The following BPTF variants were observed in gnomAD, a reference collection of about 807,000 sequenced individuals.
BPTF encodes the protein bromodomain PHD finger transcription factor.
In BPTF, 18 loss-of-function variants were observed where a neutral mutation model predicts 292.5. That is an observed-to-expected ratio of 0.06 (90% CI 0.04 to 0.09). The LOEUF is 0.09. BPTF is among the 10% of genes least tolerant of loss of function. The pLI is 1.00. For missense variants in BPTF, 2,726 were observed against 3,498.7 expected (o/e 0.78, Z 5.57); for synonymous variants, 1,225 against 1,251.9 (o/e 0.98, Z 0.45).
Position 67,910,912 on chromosome 17 carries a change from C to A in BPTF, c.3028C>A (p.Pro1010Thr), listed in dbSNP as rs370122731. 1.8e-5 allele frequency: 29 copies of A among 1,611,058 alleles called. No individual in the cohort carries two copies. Among genetic ancestry groups the A allele is most frequent in the African/African-American group, 8.0e-5 (6 of 74,750 alleles). Residue 1010 changes from proline (P) to threonine (T), a missense_variant, in exon 11 of 28, where the codon CCC (proline) becomes ACC (threonine). Pro to Thr is a conservative substitution (Grantham distance 38, BLOSUM62 -1). This residue lies in a region of BPTF where 713 missense variants were observed against 714.9 expected (regional missense o/e 1.00). Transcript: ENST00000306378. ...KELLDSDSDK[P>T]CKEEPMEVDD... ...GCTCTTAGATTCTGACAGTGATAAA[C>A]CCTGCAAGGAAGAACCAATGGAAGT...
intron 26 of BPTF, among the ~76,000 whole-genome samples, chr17:67,968,705 G>A (rs746994814): frequency 6.0e-5 from 9 of 150,620 alleles, no homozygotes; most frequent in African/African-American, 2.2e-4. Context: ...GGAGAATGAC[G>A]TGAACCCGGG....
At chr17:67,898,045 T>C (rs1242798402) in intron 7 of BPTF, among the ~76,000 whole-genome samples, 2 of 152,172 alleles carry the variant, frequency 1.3e-5, no homozygotes, top group Non-Finnish European at 2.9e-5. Flanking sequence ...TCTCCAATAC[T>C]AGGAGATTAC....
Position 67,885,909 on chromosome 17 carries a change from A to AC in BPTF, c.1865-5928dup, listed in dbSNP as rs575474081. Among the ~76,000 whole-genome samples the AC allele has an allele frequency of 1.6e-3, 239 of 151,746 alleles. 3 individuals are homozygous for AC. Among genetic ancestry groups the AC allele is most frequent in the African/African-American group, 5.4e-3 (222 of 41,386 alleles). ...GTCAGTGAGTTAGAGTTGGGTCCTC[A>AC]CCCCCCCAAAAAAAGTCAGTGAGTT... On this transcript the variant is annotated intron_variant, in intron 4 of 27. Transcript: ENST00000306378.
At chr17:67,827,790 T>C (rs2056232136) in intron 1 of BPTF, among the ~76,000 whole-genome samples, 1 of 152,144 alleles carries the variant, frequency 6.6e-6, no homozygotes, top group Admixed American at 6.6e-5. Context: ...GTAATTTCTT[T>C]TGCCCAGTGG....
chr17:67,927,702 A>C (rs1490944427), intron 15 of BPTF, among the ~76,000 whole-genome samples: 1 of 152,168 alleles, frequency 6.6e-6, no homozygotes, highest in East Asian at 1.9e-4. Context: ...TGTTGTTTTC[A>C]GTCTGAAACC....
Position 67,975,869 on chromosome 17 carries a change from C to T in BPTF, c.8637C>T (p.Tyr2879=). The part of the protein sequence containing the change: ...DMTKIFDNCR[Y]YNPSDSPFYQ... ...CCAAAATTTTTGATAACTGTCGTTA[C>T]TACAATCCAAGTGACTCCCCATTTT... is the stretch of plus-strand genomic sequence containing the variant. The change falls in exon 27 of 28, where the codon TAC becomes TAT. Residue 2879 remains tyrosine (Y), a synonymous_variant. Coordinates refer to ENST00000306378, the MANE Select transcript of BPTF (RefSeq NM_182641.4). The T allele has an allele frequency of 6.2e-7, 1 of 1,614,038 alleles. No individual in the cohort carries two copies. Among genetic ancestry groups the T allele is most frequent in the Non-Finnish European group, 8.5e-7 (1 of 1,179,984 alleles).
chr17:67,971,850 GA>G (rs1410701666), intron 26 of BPTF, among the ~76,000 whole-genome samples: 1 of 148,498 alleles, frequency 6.7e-6, no homozygotes, highest in Non-Finnish European at 1.5e-5. Flanking sequence ...AAAAAGAGAA[GA>G]AAAAAATTAC....
At chr17:67,839,161 A>C (rs1358995555) in intron 1 of BPTF, among the ~76,000 whole-genome samples, 1 of 151,960 alleles carries the variant, frequency 6.6e-6, no homozygotes, top group African/African-American at 2.4e-5. Flanking sequence ...AACAAATTGC[A>C]TTGTGTACCA....
intron 17 of BPTF, 103 bp from the exon 18 acceptor site, chr17:67,931,808 C>G (rs2064414640): frequency 2.6e-6 from 2 of 760,868 alleles, no homozygotes; most frequent in Non-Finnish European, 4.0e-6. Context: ...TTCCTGTAAA[C>G]ATTTTTATTA....
rs1191532541 is a variant in BPTF at position 67,967,130 on chromosome 17, A to T, written c.8539+474A>T. Among the ~76,000 whole-genome samples the T allele has an allele frequency of 1.7e-4, 18 of 105,176 alleles. No homozygotes were observed. The East Asian group carries it at 2.6e-3, about 15-fold the overall frequency. 69.0% of individuals were successfully genotyped at this position (105,176 alleles called of 152,430 possible). On this transcript the variant is annotated intron_variant, in intron 26 of 27. Transcript: ENST00000306378. ...AAATAAATAAATAAAATAAAGTTTA[A>T]TTGTGCATACTTTTTTTTTCTTTTT...
intron 1 of BPTF, among the ~76,000 whole-genome samples, chr17:67,842,464 T>C (rs1432692918): frequency 6.6e-6 from 1 of 152,170 alleles, no homozygotes; most frequent in Non-Finnish European, 1.5e-5. Flanking sequence ...GACTTCTAGA[T>C]CCACTTTTCT....
intron 23 of BPTF, among the ~76,000 whole-genome samples, chr17:67,950,657 G>C (rs77367375): frequency 6.6e-6 from 1 of 151,778 alleles, no homozygotes; most frequent in Non-Finnish European, 1.5e-5. Flanking sequence ...GATCAAGATG[G>C]TGAAACCCCA....
At chr17:67,893,985 T>C (rs1161381704) in intron 6 of BPTF, 49 bp from the exon 7 acceptor site, 2 of 1,596,890 alleles carry the variant, frequency 1.3e-6, no homozygotes, top group Admixed American at 3.4e-5. Context: ...TGCTTTTAAT[T>C]TAAGGTCAAC....
chr17:67,888,589 C>CAAAAA (rs776548348), intron 4 of BPTF, among the ~76,000 whole-genome samples: 2 of 63,526 alleles, frequency 3.1e-5, no homozygotes, highest in African/African-American at 4.9e-5. Context: ...GACTCCGTCT[C>CAAAAA]AAAAAAAAAA....
At chr17:67,870,132 A>T (rs986161935) in intron 3 of BPTF, among the ~76,000 whole-genome samples, 2 of 152,034 alleles carry the variant, frequency 1.3e-5, no homozygotes, top group Admixed American at 1.3e-4. Flanking sequence ...GTGCTGTGAG[A>T]TTGCCTTGCA....
rs1398890383 is a variant in BPTF at position 67,911,984 on chromosome 17, T to C, written c.4100T>C (p.Leu1367Ser). ...NGKKPSQQKK[L>S]EERPVNKCSD... is the part of the protein sequence containing the mutation. Reference sequence around the variant, plus strand: ...AAAAAACCAAGTCAGCAGAAGAAATTAGAGGAGAGACCAGTTAATAAATGT... The same window carrying C: ...AAAAAACCAAGTCAGCAGAAGAAATCAGAGGAGAGACCAGTTAATAAATGT... Residue 1367 changes from leucine (L) to serine (S), a missense_variant, in exon 11 of 28, where the codon TTA (leucine) becomes TCA (serine). Around this residue, in one of 22 missense-constraint regions of BPTF, gnomAD observed 713 missense variants for 714.9 expected, o/e 1.00. Transcript: ENST00000306378. 15 of 1,613,774 alleles carry C rather than the reference T, an allele frequency of 9.3e-6. No homozygotes were observed. Among genetic ancestry groups the C allele is most frequent in the African/African-American group, 1.3e-5 (1 of 74,938 alleles).
At chr17:67,892,620 T>A (rs577332444) in intron 5 of BPTF, among the ~76,000 whole-genome samples, 21 of 152,158 alleles carry the variant, frequency 1.4e-4, no homozygotes, top group African/African-American at 4.3e-4. Flanking sequence ...AGGGTAGATA[T>A]GCAAGAATAA....
intron 21 of BPTF, among the ~76,000 whole-genome samples, chr17:67,946,878 T>C (rs2065849495): frequency 6.6e-6 from 1 of 152,280 alleles, no homozygotes; most frequent in East Asian, 1.9e-4. Flanking sequence ...AGAATTAGTC[T>C]ACTAAAGTGA....
At chr17:67,964,535 TAACA>T (rs1324766539) in intron 25 of BPTF, 131 bp downstream of exon 25, 18 of 1,100,858 alleles carry the variant, frequency 1.6e-5, no homozygotes, top group Middle Eastern at 2.9e-4. Flanking sequence ...GTGAAGTGCC[TAACA>T]AACTGCAGTC....
Sources: allele counts gnomAD v4.1 joint callset (sites outside exome capture counted in the v4.1 genomes callset), GRCh38; gene constraint gnomAD v4.1.1; regional missense constraint gnomAD v4.1.1; transcripts MANE v1.5; gene names NCBI Gene and HGNC (gene_info 2026-07-23, HGNC 2026-07-21).